The following PKNOX2 variants were observed in gnomAD, a reference collection of about 807,000 sequenced individuals.
PKNOX2 encodes homeobox protein PKNOX2.
In PKNOX2, 14 loss-of-function variants were observed where a neutral mutation model predicts 53.1. That is an observed-to-expected ratio of 0.26 (90% CI 0.17 to 0.41). The LOEUF (loss-of-function observed/expected upper bound fraction) is 0.41. Among genes scored for constraint, PKNOX2 ranks in the 10% least tolerant of loss-of-function variants. The pLI, the probability that PKNOX2 is intolerant of heterozygous loss-of-function variation, is 1.00. For synonymous variants in PKNOX2, 257 were observed against 242.8 expected, an observed-to-expected ratio of 1.06 and a Z score of -0.54; for missense variants, 496 against 602.8, an observed-to-expected ratio of 0.82 and a Z score of 1.85.
Position 125,406,349 on chromosome 11 carries a change from G to C in PKNOX2, c.589-3847G>C, listed in dbSNP as rs368477044. On this transcript the variant is annotated intron_variant, in intron 7 of 12. Coordinates refer to ENST00000298282, the MANE Select transcript of PKNOX2 (RefSeq NM_001382323.2). ...GACGATGCTTAGGATCCTGGGACTC[G>C]ACCATTGCCCAGGAACATCTCAGAC... 7.9e-5 allele frequency among the ~76,000 whole-genome samples: 12 copies of C among 152,268 alleles called. No homozygotes were observed. In the East Asian group the frequency reaches 2.3e-3, roughly 29 times the overall value.
intron 2 of PKNOX2, among the ~76,000 whole-genome samples, chr11:125,291,643 C>T (rs982455546): frequency 1.3e-5 from 2 of 152,106 alleles, no homozygotes; most frequent in African/African-American, 4.8e-5. Flanking sequence ...TCATGGTAGC[C>T]AAAAGGCAAA....
At chr11:125,263,265 C>T (rs1358939210) in intron 2 of PKNOX2, among the ~76,000 whole-genome samples, 2 of 152,220 alleles carry the variant, frequency 1.3e-5, no homozygotes, top group South Asian at 4.1e-4. Context: ...GCCAAGCTCC[C>T]CCACCCCACC....
chr11:125,297,779 C>A (rs1158171432), intron 2 of PKNOX2, among the ~76,000 whole-genome samples: 1 of 152,168 alleles, frequency 6.6e-6, no homozygotes, highest in African/African-American at 2.4e-5. Flanking sequence ...AGTCTCTCTC[C>A]CCGCACACTA....
chr11:125,268,223 G>A (rs1945510980), intron 2 of PKNOX2, among the ~76,000 whole-genome samples: 2 of 152,210 alleles, frequency 1.3e-5, no homozygotes, highest in Non-Finnish European at 2.9e-5. Flanking sequence ...AAACCAGGGA[G>A]TGGGGTTAAA....
At position 125,431,273 on chromosome 11, in the gene PKNOX2, G is replaced by C; in HGVS notation, c.1300G>C (p.Glu434Gln). 1.9e-6 allele frequency: 3 copies of C among 1,613,746 alleles called. No homozygotes were observed. The highest frequency in any genetic ancestry group is 2.5e-6 in the Non-Finnish European group (3 of 1,179,930). ...CGATGACTCATTGGATGGGACAGAA[G>C]AAGAGGATGAGGATGAGATGGAAGA... ...AHDDSLDGTEEEDEDEMEEEE... is the reference protein window; with the variant it reads ...AHDDSLDGTEQEDEDEMEEEE... The change falls in exon 13 of 13, where the codon GAA (glutamate) becomes CAA (glutamine). Residue 434 changes from glutamate to glutamine, a missense_variant. Glu to Gln is a conservative substitution (Grantham distance 29). Transcript: ENST00000298282.
intron 5 of PKNOX2, among the ~76,000 whole-genome samples, chr11:125,375,475 C>T (rs575005567): frequency 7.0e-4 from 107 of 152,280 alleles, no homozygotes; most frequent in African/African-American, 2.4e-3. Context: ...GGAGAGCACA[C>T]GATTTGGAGT....
rs569098826 is a variant in PKNOX2 at position 125,294,757 on chromosome 11, G to A, written c.-129-37062G>A. ...GAGTCCACTTCTTCATCTGCAATAC[G>A]AACAGGTTAATATCTACTGTGCAAG... On this transcript the variant is annotated intron_variant, in intron 2 of 12. Coordinates refer to ENST00000298282, the MANE Select transcript of PKNOX2 (RefSeq NM_001382323.2). 3.9e-5 allele frequency among the ~76,000 whole-genome samples: 6 copies of A among 152,312 alleles called. No homozygotes were observed. The South Asian group carries it at 6.2e-4, about 16-fold the overall frequency.
In PKNOX2 at chr11:125,377,880, C is replaced by T. The variant is rs148340863; in HGVS notation, c.228-7671C>T. 1.8e-3 allele frequency among the ~76,000 whole-genome samples: 268 copies of T among 152,340 alleles called. 4 individuals are homozygous for T. The South Asian group carries it at 0.031, about 18-fold the overall frequency. ...TTCTAGGCTCCATGCCACCCATGGG[C>T]CGCGGGCTGGACAAGCTTGATCTAG... On this transcript the variant is annotated intron_variant, in intron 5 of 12. Coordinates refer to ENST00000298282, the MANE Select transcript of PKNOX2 (RefSeq NM_001382323.2).
chr11:125,413,776 C>A (rs1175767729), intron 10 of PKNOX2, among the ~76,000 whole-genome samples: 1 of 152,144 alleles, frequency 6.6e-6, no homozygotes, highest in African/African-American at 2.4e-5. Context: ...CCACCTCCCA[C>A]CCCCATGCGT....
chr11:125,209,303 C>T (rs1351355486), intron 1 of PKNOX2, among the ~76,000 whole-genome samples: 1 of 152,070 alleles, frequency 6.6e-6, no homozygotes, highest in South Asian at 2.1e-4. Flanking sequence ...AGTGTTCTTT[C>T]CACTTCAGTA....
intron 1 of PKNOX2, among the ~76,000 whole-genome samples, chr11:125,178,514 A>T (rs927385375): frequency 6.7e-6 from 1 of 148,322 alleles, no homozygotes; most frequent in African/African-American, 2.6e-5. Context: ...CTGTCTCAAA[A>T]AAAAAAAAGA....
At chr11:125,304,979 C>G (rs975290738) in intron 2 of PKNOX2, among the ~76,000 whole-genome samples, 1 of 152,212 alleles carries the variant, frequency 6.6e-6, no homozygotes, top group African/African-American at 2.4e-5. Context: ...TTCCTCCTTA[C>G]ACGCAAGGAA....
At chr11:125,343,178 CA>C in intron 3 of PKNOX2, among the ~76,000 whole-genome samples, 1 of 152,118 alleles carries the variant, frequency 6.6e-6, no homozygotes, top group East Asian at 1.9e-4. Context: ...AGTTGAACAT[CA>C]CTGGCAAAAG....
chr11:125,372,820 T>C (rs1003360367), intron 5 of PKNOX2, among the ~76,000 whole-genome samples: 2 of 152,250 alleles, frequency 1.3e-5, no homozygotes, highest in African/African-American at 4.8e-5. Flanking sequence ...ATTCTGTCAG[T>C]CTCATCTCCC....
At chr11:125,233,040 G>A (rs530630909) in intron 1 of PKNOX2, among the ~76,000 whole-genome samples, 1 of 152,124 alleles carries the variant, frequency 6.6e-6, no homozygotes, top group East Asian at 1.9e-4. Flanking sequence ...GAGATTGTGG[G>A]CATTTTTTTC....
At chr11:125,167,081 C>T (rs1013544876) in intron 1 of PKNOX2, among the ~76,000 whole-genome samples, 47 of 151,862 alleles carry the variant, frequency 3.1e-4, no homozygotes, top group African/African-American at 1.1e-3. Flanking sequence ...CATAATCTCC[C>T]ACTCGGGCTG....
At chr11:125,216,353 C>T (rs1238604966) in intron 1 of PKNOX2, among the ~76,000 whole-genome samples, 1 of 152,158 alleles carries the variant, frequency 6.6e-6, no homozygotes, top group Non-Finnish European at 1.5e-5. Context: ...GTTTTCCTTC[C>T]CATAGACAGT....
chr11:125,241,036 C>T (rs1253559684), intron 2 of PKNOX2, among the ~76,000 whole-genome samples: 1 of 152,230 alleles, frequency 6.6e-6, no homozygotes, highest in Non-Finnish European at 1.5e-5. Flanking sequence ...TGATATGCGG[C>T]CATGCCATCC....
chr11:125,305,020 G>T (rs1400613186), intron 2 of PKNOX2, among the ~76,000 whole-genome samples: 1 of 152,214 alleles, frequency 6.6e-6, no homozygotes, highest in African/African-American at 2.4e-5. Context: ...TAAAAAGCAT[G>T]TTCAAGTTCT....
Sources: allele counts gnomAD v4.1 joint callset (sites outside exome capture counted in the v4.1 genomes callset), GRCh38; gene constraint gnomAD v4.1.1; transcripts MANE v1.5; gene names NCBI Gene and HGNC (gene_info 2026-07-23, HGNC 2026-07-21).